The following DUSP14 variants were observed in gnomAD, a reference collection of about 807,000 sequenced individuals.
DUSP14 encodes dual specificity protein phosphatase 14.
DUSP14 carries 5 observed loss-of-function variants against 13.2 expected under a neutral mutation model. The observed-to-expected ratio is 0.38, with a 90% CI of 0.20 to 0.80. The LOEUF (loss-of-function observed/expected upper bound fraction) is 0.80, where lower values mean the gene tolerates loss of function less well. DUSP14 is among the 30% of genes least tolerant of loss of function. The probability of loss-of-function intolerance (pLI) is 0.44; values close to 1 mark genes in which losing one functional copy is unlikely to be tolerated. For synonymous variants in DUSP14, 91 were observed against 103.4 expected (o/e 0.88, Z 0.73); for missense variants, 185 against 264.0 (o/e 0.70, Z 2.07).
In DUSP14 at chr17:37,511,338, T is replaced by C. The variant is rs115259313; in HGVS notation, c.-93+574T>C. ...GTCTGTCACCCAGGCTGGAGTATAG[T>C]GGCACGATCTCAGCTAGTTGCAACC... On this transcript the variant is annotated intron_variant, in intron 2 of 2. Transcript: ENST00000617516. Among the ~76,000 whole-genome samples the C allele has an allele frequency of 6.1e-3, 936 of 152,240 alleles. 3 individuals are homozygous for C. The highest frequency in any genetic ancestry group is 0.021 in the African/African-American group (874 of 41,512).
At chr17:37,506,272 C>G (rs1165563090) in intron 1 of DUSP14, among the ~76,000 whole-genome samples, 1 of 142,412 alleles carries the variant, frequency 7.0e-6, no homozygotes, top group African/African-American at 2.5e-5. Context: ...CTCCCCCCCG[C>G]CCCCGTCCCC....
intron 1 of DUSP14, among the ~76,000 whole-genome samples, chr17:37,505,476 T>C (rs1167557052): frequency 6.6e-6 from 1 of 152,154 alleles, no homozygotes; most frequent in African/African-American, 2.4e-5. Context: ...CAGTATATAC[T>C]CTGGCCCTCT....
At chr17:37,502,492 C>A (rs1483529412) in intron 1 of DUSP14, among the ~76,000 whole-genome samples, 1 of 151,956 alleles carries the variant, frequency 6.6e-6, no homozygotes, top group Non-Finnish European at 1.5e-5. Context: ...CCTAAAATGA[C>A]TATTTGTATT....
chr17:37,493,161 C>T (rs1234684659), intron 1 of DUSP14, among the ~76,000 whole-genome samples: 1 of 152,156 alleles, frequency 6.6e-6, no homozygotes, highest in African/African-American at 2.4e-5. Context: ...CAAGGTCTCA[C>T]TATATTGCCC....
chr17:37,498,578 G>A (rs530845250), intron 1 of DUSP14, among the ~76,000 whole-genome samples: 12 of 151,614 alleles, frequency 7.9e-5, no homozygotes, highest in Non-Finnish European at 1.8e-4. Flanking sequence ...CACCTGCCTC[G>A]GCCTCCCAAA....
chr17:37,507,774 C>T (rs185287843), intron 1 of DUSP14, among the ~76,000 whole-genome samples: 17 of 152,246 alleles, frequency 1.1e-4, no homozygotes, highest in South Asian at 2.1e-4. Flanking sequence ...ACTAGATAAC[C>T]TACTTGGAAA....
At chr17:37,507,007 C>T (rs1212673346) in intron 1 of DUSP14, among the ~76,000 whole-genome samples, 2 of 152,230 alleles carry the variant, frequency 1.3e-5, no homozygotes, top group Non-Finnish European at 2.9e-5. Flanking sequence ...AACACAGCCA[C>T]GATTTAGTCA....
Position 37,489,897 on chromosome 17 carries a change from G to A in DUSP14, c.-242G>A, listed in dbSNP as rs972247358. 1.4e-5 allele frequency: 2 copies of A among 147,692 alleles called. No homozygotes were observed. The highest frequency in any genetic ancestry group is 4.9e-5 in the African/African-American group (2 of 40,752). The allele number at this position is 147,692 out of a possible 1,614,324, so 9.1% of individuals were successfully genotyped here. On this transcript the variant is annotated 5_prime_UTR_variant, in exon 1 of 3. Transcript: ENST00000617516. The stretch of plus-strand genomic sequence containing the variant: ...CGCGCGCGGCGCCCAGCCCGCAGAA[G>A]CCGGTGGCCGCGCAGGAGGACGGAG...
chr17:37,509,630 T>G (rs964379589), intron 1 of DUSP14, among the ~76,000 whole-genome samples: 11 of 152,022 alleles, frequency 7.2e-5, no homozygotes, highest in African/African-American at 2.7e-4. Context: ...CCTATATATA[T>G]TTATATGCTA....
Position 37,494,095 on chromosome 17 carries a change from G to T in DUSP14, c.-181+4137G>T, listed in dbSNP as rs531163423. Among the ~76,000 whole-genome samples the T allele has an allele frequency of 1.3e-4, 19 of 151,116 alleles. No individual in the cohort carries two copies. In the East Asian group the frequency reaches 2.5e-3, roughly 20 times the overall value. Reference sequence around the variant, plus strand: ...TGCAAGCTCCGCCTCCCAGGTTCATGCCATTCTCCTGCCTCAGCCTCCCTA... The same window carrying T: ...TGCAAGCTCCGCCTCCCAGGTTCATTCCATTCTCCTGCCTCAGCCTCCCTA... On this transcript the variant is annotated intron_variant, in intron 1 of 2. Coordinates refer to ENST00000617516, the MANE Select transcript of DUSP14 (RefSeq NM_007026.4).
At chr17:37,510,953 T>C (rs2054179620) in intron 2 of DUSP14, among the ~76,000 whole-genome samples, 189 bp downstream of exon 2, 2 of 151,646 alleles carry the variant, frequency 1.3e-5, no homozygotes, top group South Asian at 2.1e-4. Flanking sequence ...CTCAGGAAAC[T>C]GAGAACTTCC....
At chr17:37,503,714 T>C (rs1457594989) in intron 1 of DUSP14, among the ~76,000 whole-genome samples, 1 of 152,228 alleles carries the variant, frequency 6.6e-6, no homozygotes, top group Admixed American at 6.5e-5. Flanking sequence ...ATTGATAGTC[T>C]CTTCTTGCTA....
At chr17:37,511,574 C>G (rs2054185542) in intron 2 of DUSP14, among the ~76,000 whole-genome samples, 1 of 103,380 alleles carries the variant, frequency 9.7e-6, no homozygotes, top group Non-Finnish European at 1.8e-5. Context: ...AGCTACCTCA[C>G]CTGGCCTTTC....
chr17:37,511,585 CT>C (rs533256343), intron 2 of DUSP14, among the ~76,000 whole-genome samples: 1,043 of 87,292 alleles, frequency 0.012, 43 homozygotes, highest in African/African-American at 0.049. Flanking sequence ...CTGGCCTTTC[CT>C]TTTTTTTTTT....
chr17:37,509,623 A>G (rs548376378), intron 1 of DUSP14, among the ~76,000 whole-genome samples: 13 of 152,138 alleles, frequency 8.5e-5, no homozygotes, highest in African/African-American at 3.1e-4. Context: ...CGCTTGGCCT[A>G]TATATATTTA....
chr17:37,490,109 A>C (rs2054016668), intron 1 of DUSP14, among the ~76,000 whole-genome samples, 151 bp downstream of exon 1: 1 of 150,856 alleles, frequency 6.6e-6, no homozygotes, highest in Non-Finnish European at 1.5e-5. Context: ...CGGCGCCCCC[A>C]CCTGCTCCCT....
At chr17:37,497,443 CAA>C (rs1307070223) in intron 1 of DUSP14, among the ~76,000 whole-genome samples, 2 of 151,988 alleles carry the variant, frequency 1.3e-5, no homozygotes, top group Non-Finnish European at 2.9e-5. Context: ...GCCCTGCCTT[CAA>C]ACTGCTTTTT....
chr17:37,497,189 C>T (rs766218234), intron 1 of DUSP14, among the ~76,000 whole-genome samples: 4 of 151,866 alleles, frequency 2.6e-5, no homozygotes, highest in African/African-American at 9.7e-5. Flanking sequence ...CTTCCCCAGG[C>T]TGGAGTTCAG....
intron 1 of DUSP14, among the ~76,000 whole-genome samples, chr17:37,507,464 G>A (rs1046683853): frequency 3.6e-4 from 55 of 152,300 alleles, no homozygotes; most frequent in African/African-American, 1.2e-3. Context: ...CCCAGACAGC[G>A]TAATTTGGGA....
Sources: gnomAD v4.1 joint callset for allele counts (sites outside exome capture counted in the v4.1 genomes callset) on GRCh38, gnomAD v4.1.1 for gene constraint, MANE v1.5 for transcripts, NCBI Gene and HGNC (gene_info 2026-07-23, HGNC 2026-07-21) for gene names.